Variants in SUDS3 observed in about 807,000 individuals in gnomAD.
The protein encoded by SUDS3 is SIN3A corepressor complex component SDS3.
Under a neutral mutation model 53.5 loss-of-function variants are expected in SUDS3, and 23 were observed. The ratio of observed to expected loss-of-function variants is 0.43; its 90% CI spans 0.31 to 0.61. The LOEUF (loss-of-function observed/expected upper bound fraction) is 0.61. Among genes scored for constraint, SUDS3 ranks in the 20% least tolerant of loss-of-function variants. The probability of loss-of-function intolerance (pLI) is 0.10; values close to 1 mark genes in which losing one functional copy is unlikely to be tolerated. For missense variants in SUDS3, 291 were observed against 405.9 expected (o/e 0.72, Z 2.43); for synonymous variants, 150 against 148.5 (o/e 1.01, Z -0.08).
intron 2 of SUDS3, among the ~76,000 whole-genome samples, chr12:118,382,824 C>A (rs1008407224): frequency 1.7e-5 from 2 of 114,548 alleles, no homozygotes; most frequent in East Asian, 2.6e-4. Flanking sequence ...CCCACCACCA[C>A]GTCTGGCTAA....
At chr12:118,400,245 G>C (rs369784640) in intron 6 of SUDS3, among the ~76,000 whole-genome samples, 1 of 152,256 alleles carries the variant, frequency 6.6e-6, no homozygotes, top group East Asian at 1.9e-4. Flanking sequence ...ATACCAATGG[G>C]CTTCAGCACA....
At chr12:118,392,097 A>G (rs918702974) in intron 6 of SUDS3, among the ~76,000 whole-genome samples, 10 of 152,222 alleles carry the variant, frequency 6.6e-5, no homozygotes, top group African/African-American at 2.2e-4. Context: ...GGAACTTGGC[A>G]AATACTGCAA....
intron 11 of SUDS3, among the ~76,000 whole-genome samples, chr12:118,413,945 G>A (rs2046379479): frequency 6.6e-6 from 1 of 152,178 alleles, no homozygotes; most frequent in Non-Finnish European, 1.5e-5. Flanking sequence ...TTGGAGCAAG[G>A]AAAATACTTC....
At chr12:118,378,109 GTTTT>G (rs138250567) in intron 1 of SUDS3, among the ~76,000 whole-genome samples, 2 of 151,448 alleles carry the variant, frequency 1.3e-5, no homozygotes, top group East Asian at 3.9e-4. Flanking sequence ...CCAAAATTGA[GTTTT>G]TTTTTCCTTC....
At chr12:118,376,898 C>T (rs2046002281) in intron 1 of SUDS3, 65 bp downstream of exon 1, 1 of 844,682 alleles carries the variant, frequency 1.2e-6, no homozygotes, top group Non-Finnish European at 1.6e-6. Context: ...GGGGGTGGGG[C>T]TGTTCGGGAG....
intron 2 of SUDS3, among the ~76,000 whole-genome samples, chr12:118,382,328 C>T (rs947469616): frequency 6.6e-6 from 1 of 151,856 alleles, no homozygotes; most frequent in African/African-American, 2.4e-5. Flanking sequence ...GATTACAGGC[C>T]TGAGCCATCG....
At chr12:118,407,567 TG>T (rs2141389583) in intron 10 of SUDS3, among the ~76,000 whole-genome samples, 1 of 152,296 alleles carries the variant, frequency 6.6e-6, no homozygotes, top group South Asian at 2.1e-4. Flanking sequence ...TTGAATTTCT[TG>T]GGTTTGGGTT....
intron 1 of SUDS3, among the ~76,000 whole-genome samples, chr12:118,378,606 G>C (rs1282165342): frequency 6.6e-6 from 1 of 151,254 alleles, no homozygotes; most frequent in Non-Finnish European, 1.5e-5. Flanking sequence ...CTCAGTCTCC[G>C]GAGTAGTTGG....
chr12:118,404,112 G>GTTTGTTT (rs1030408420), intron 10 of SUDS3: 3 of 152,158 alleles, frequency 2.0e-5, no homozygotes, highest in African/African-American at 7.2e-5. Flanking sequence ...AACATTCCTA[G>GTTTGTTT]TTTGTTTTTT....
intron 1 of SUDS3, among the ~76,000 whole-genome samples, chr12:118,379,298 G>A (rs181782390): frequency 1.3e-5 from 2 of 152,212 alleles, no homozygotes; most frequent in Admixed American, 1.3e-4. Flanking sequence ...GTAGCCGGGT[G>A]TGGTGGTGCA....
chr12:118,392,088 G>T (rs1184186869), intron 6 of SUDS3, among the ~76,000 whole-genome samples: 3 of 152,146 alleles, frequency 2.0e-5, no homozygotes, highest in African/African-American at 7.2e-5. Context: ...AGCTATTTTG[G>T]AACTTGGCAA....
In SUDS3 at chr12:118,401,979, A is replaced by G. The variant is rs1404869800; in HGVS notation, c.676-4A>G. The G allele has an allele frequency of 1.9e-6, 3 of 1,613,874 alleles. No homozygotes were observed. Among genetic ancestry groups the G allele is most frequent in the Middle Eastern group, 1.6e-4 (1 of 6,084 alleles). On this transcript the variant is annotated splice_region_variant and splice_polypyrimidine_tract_variant and intron_variant, in intron 8 of 11. Transcript: ENST00000543473. The stretch of plus-strand genomic sequence containing the variant: ...AAGATTTTTTGTTGTTGTTCTTCCT[A>G]CAGCTTAAGTCACCCAAGAGACCAG...
chr12:118,400,400 C>T (rs2046253457), intron 6 of SUDS3, among the ~76,000 whole-genome samples: 1 of 152,008 alleles, frequency 6.6e-6, no homozygotes, highest in Non-Finnish European at 1.5e-5. Context: ...GGAGAGATGC[C>T]CACAGTGGCT....
intron 7 of SUDS3, 115 bp from the exon 8 acceptor site, chr12:118,401,644 A>G: frequency 1.1e-6 from 1 of 895,994 alleles, no homozygotes; most frequent in Non-Finnish European, 1.8e-6. Context: ...GTTACTGTAG[A>G]AACATCATTT....
intron 3 of SUDS3, among the ~76,000 whole-genome samples, chr12:118,385,651 T>C (rs2141364932): frequency 6.6e-6 from 1 of 152,276 alleles, no homozygotes; most frequent in East Asian, 1.9e-4. Context: ...AATTTAGTTC[T>C]TCGGTTCCAC....
intron 3 of SUDS3, 29 bp downstream of exon 3, chr12:118,384,096 T>C: frequency 6.2e-7 from 1 of 1,606,000 alleles, no homozygotes; most frequent in Non-Finnish European, 8.5e-7. Flanking sequence ...CCTGCATTTC[T>C]AAATATGCTT....
chr12:118,412,029 A>G (rs2141395354), intron 11 of SUDS3, among the ~76,000 whole-genome samples: 1 of 152,276 alleles, frequency 6.6e-6, no homozygotes, highest in East Asian at 1.9e-4. Flanking sequence ...CGTCTTTCCT[A>G]GCTGAGATGT....
chr12:118,400,276 C>T (rs1015423473), intron 6 of SUDS3, among the ~76,000 whole-genome samples: 8 of 152,278 alleles, frequency 5.3e-5, no homozygotes, highest in African/African-American at 1.9e-4. Flanking sequence ...TTGGGAGCTG[C>T]AGAAATTAGT....
chr12:118,393,428 C>T (rs1053851710), intron 6 of SUDS3, among the ~76,000 whole-genome samples: 68 of 152,248 alleles, frequency 4.5e-4, no homozygotes, highest in African/African-American at 1.2e-3. Context: ...TGACTTAAAG[C>T]GTTTATAAAC....
Sources: allele counts gnomAD v4.1 joint callset (sites outside exome capture counted in the v4.1 genomes callset), GRCh38; gene constraint gnomAD v4.1.1; transcripts MANE v1.5; gene names NCBI Gene and HGNC (gene_info 2026-07-23, HGNC 2026-07-21).